The following MMD2 variants were observed in gnomAD, a reference collection of about 807,000 sequenced individuals.
MMD2 encodes monocyte to macrophage differentiation factor 2.
A neutral mutation model predicts 33.5 loss-of-function variants in MMD2; 30 were observed. The ratio of observed to expected loss-of-function variants is 0.90; its 90% CI spans 0.67 to 1.22. The LOEUF (loss-of-function observed/expected upper bound fraction) is 1.22. Ranked by LOEUF, MMD2 falls within the 50% of genes most tolerant of loss-of-function variation. The pLI is 0.00. For synonymous variants in MMD2, 129 were observed against 123.0 expected (o/e 1.05, Z -0.32); for missense variants, 364 against 325.4 (o/e 1.12, Z -0.91).
chr7:4,936,185 C>CAAAAAAAAAAAAAAAAAAAA (rs61343659), intron 1 of MMD2, among the ~76,000 whole-genome samples: 1 of 84,126 alleles, frequency 1.2e-5, no homozygotes, highest in African/African-American at 3.8e-5. Context: ...AACTCTGTCT[C>CAAAAAAAAAAAAAAAAAAAA]AAAAAAAAAA....
chr7:4,919,342 G>A (rs578100583), intron 3 of MMD2, among the ~76,000 whole-genome samples: 8 of 152,098 alleles, frequency 5.3e-5, no homozygotes, highest in Non-Finnish European at 1.2e-4. Flanking sequence ...GCTGAAGCAG[G>A]TGGATCACTA....
At chr7:4,912,793 C>T (rs1488260654) in intron 4 of MMD2, among the ~76,000 whole-genome samples, 1 of 152,142 alleles carries the variant, frequency 6.6e-6, no homozygotes, top group South Asian at 2.1e-4. Flanking sequence ...GCACCCTTCG[C>T]CTCCCGGGTT....
Position 4,929,396 on chromosome 7 carries a change from G to T in MMD2, c.48-3864C>A, listed in dbSNP as rs935292007. On this transcript the variant is annotated intron_variant, in intron 1 of 6. Coordinates refer to ENST00000401401, the MANE Select transcript of MMD2 (RefSeq NM_198403.4). ...GAGAACATGGAGGACCCACCCTGGG[G>T]ACCCCATTGAAGCCCCCCCCAGGAG... Among the ~76,000 whole-genome samples, 5 of 152,260 alleles carry T rather than the reference G, an allele frequency of 3.3e-5. No individual in the cohort carries two copies. The South Asian group carries it at 1.0e-3, about 32-fold the overall frequency.
At chr7:4,958,684 A>C (rs1306310847) in intron 1 of MMD2, among the ~76,000 whole-genome samples, 2 of 152,204 alleles carry the variant, frequency 1.3e-5, no homozygotes, top group Non-Finnish European at 2.9e-5. Flanking sequence ...GACCCAGGAC[A>C]CGGGGACTCG....
At position 4,925,454 on chromosome 7, in the gene MMD2, A is replaced by G. The variant is rs1394941536; in HGVS notation, c.126T>C (p.His42=). Residue 42 remains histidine (H), a synonymous_variant, in exon 2 of 7, where the codon CAT becomes CAC. Transcript: ENST00000401401. ...AGCCCCCCAAAAGCCAACTCACAGC[A>G]TGGGTGGCACAGTTGGCCGCATGTT... ...EYEHAANCAT[H]AFWIIPSILG... 4 of 1,530,722 alleles carry G rather than the reference A, an allele frequency of 2.6e-6. No individual in the cohort carries two copies. Among genetic ancestry groups the G allele is most frequent in the Non-Finnish European group, 3.5e-6 (4 of 1,134,560 alleles). The allele number at this position is 1,530,722 out of a possible 1,614,324, so 94.8% of individuals were successfully genotyped here.
At chr7:4,904,931 C>A (rs1230959574), downstream of MMD2, among the ~76,000 whole-genome samples, 1 of 152,152 alleles carries the variant, frequency 6.6e-6, no homozygotes, top group African/African-American at 2.4e-5. Flanking sequence ...AGGGGAAGCC[C>A]CTAAGTCAGA....
intron 1 of MMD2, among the ~76,000 whole-genome samples, chr7:4,927,343 G>A (rs573659105): frequency 2.6e-4 from 39 of 152,086 alleles, no homozygotes; most frequent in African/African-American, 7.2e-4. Context: ...CCAGGAGTTC[G>A]AGACCAGCCT....
At chr7:4,901,629 C>T (rs1583348330), downstream of MMD2, among the ~76,000 whole-genome samples, 1 of 152,320 alleles carries the variant, frequency 6.6e-6, no homozygotes, top group Admixed American at 6.5e-5. Flanking sequence ...GTTCGACTGG[C>T]ACCAGACTCT....
intron 1 of MMD2, among the ~76,000 whole-genome samples, chr7:4,956,572 A>G (rs1295362460): frequency 6.6e-6 from 1 of 152,154 alleles, no homozygotes; most frequent in East Asian, 1.9e-4. Flanking sequence ...CATCACCCAT[A>G]GAAGCTGCAT....
chr7:4,948,377 T>C (rs1020240587), intron 1 of MMD2, among the ~76,000 whole-genome samples: 16 of 152,040 alleles, frequency 1.1e-4, no homozygotes, highest in African/African-American at 3.9e-4. Flanking sequence ...AAAAATTAGC[T>C]GGACGTGGTG....
chr7:4,935,959 C>A (rs931399335), intron 1 of MMD2, among the ~76,000 whole-genome samples: 1 of 151,940 alleles, frequency 6.6e-6, no homozygotes, highest in Non-Finnish European at 1.5e-5. Context: ...CCGAGGCAAG[C>A]AGATCACCTG....
downstream of MMD2, among the ~76,000 whole-genome samples, chr7:4,902,400 G>T (rs1032004343): frequency 6.6e-6 from 1 of 152,220 alleles, no homozygotes; most frequent in Non-Finnish European, 1.5e-5. Context: ...GCTTTGCTCC[G>T]CTGGTTAGAA....
chr7:4,926,119 A>T (rs1379865837), intron 1 of MMD2, among the ~76,000 whole-genome samples: 5 of 141,886 alleles, frequency 3.5e-5, no homozygotes, highest in African/African-American at 8.2e-5. Flanking sequence ...TTTTTCTTAC[A>T]CGGGGTCTCA....
At chr7:4,942,075 T>C (rs1357187463) in intron 1 of MMD2, among the ~76,000 whole-genome samples, 1 of 152,004 alleles carries the variant, frequency 6.6e-6, no homozygotes, top group African/African-American at 2.4e-5. Context: ...TGCCTCAGCC[T>C]CCCGAGTACC....
chr7:4,913,583 T>C (rs1785066650), intron 4 of MMD2, among the ~76,000 whole-genome samples: 1 of 151,952 alleles, frequency 6.6e-6, no homozygotes, highest in African/African-American at 2.4e-5. Flanking sequence ...TTGGGAGTGG[T>C]GGCGGAAGCC....
rs1455665390 is a variant in MMD2, at chr7:4,906,410, C to T, written c.*986G>A. 2 of 398,420 alleles carry T rather than the reference C, an allele frequency of 5.0e-6. No individual in the cohort carries two copies. Among genetic ancestry groups the T allele is most frequent in the African/African-American group, 4.1e-5 (2 of 48,620 alleles). 24.7% of individuals were successfully genotyped at this position (398,420 alleles called of 1,614,324 possible). On this transcript the variant is annotated 3_prime_UTR_variant, in exon 7 of 7. Coordinates refer to ENST00000401401, the MANE Select transcript of MMD2 (RefSeq NM_198403.4). The stretch of plus-strand genomic sequence containing the variant: ...ACACCTGAGTAGCCTCTAACAGCCA[C>T]TGATTGGCACCAAGAGAGAATCCAA...
chr7:4,915,743 A>G (rs1270246195), intron 4 of MMD2, among the ~76,000 whole-genome samples: 1 of 113,046 alleles, frequency 8.8e-6, no homozygotes, highest in East Asian at 3.9e-4. Flanking sequence ...CTGTCTCAGA[A>G]TTCTCAGAAA....
At chr7:4,957,228 T>C (rs1469091200) in intron 1 of MMD2, among the ~76,000 whole-genome samples, 1 of 151,514 alleles carries the variant, frequency 6.6e-6, no homozygotes, top group Non-Finnish European at 1.5e-5. Context: ...ATACCTGGAA[T>C]CCCAGCTACT....
chr7:4,912,480 T>G (rs1208869187), intron 4 of MMD2, among the ~76,000 whole-genome samples: 1 of 150,824 alleles, frequency 6.6e-6, no homozygotes, highest in East Asian at 2.0e-4. Flanking sequence ...GAGAATGGCG[T>G]GAACCCGGGA....
Sources: gnomAD v4.1 joint callset for allele counts (sites outside exome capture counted in the v4.1 genomes callset) on GRCh38, gnomAD v4.1.1 for gene constraint, MANE v1.5 for transcripts, NCBI Gene and HGNC (gene_info 2026-07-23, HGNC 2026-07-21) for gene names.